Variants in MYO5B observed in about 807,000 individuals in gnomAD.
MYO5B encodes myosin VB.
In MYO5B, 143 loss-of-function variants were observed where a neutral mutation model predicts 229.3. The ratio of observed to expected loss-of-function variants is 0.62; its 90% confidence interval spans 0.54 to 0.72. The LOEUF (loss-of-function observed/expected upper bound fraction) is 0.72, where lower values mean the gene tolerates loss of function less well. Ranked by LOEUF, MYO5B falls within the 30% of genes least tolerant of loss-of-function variation. MYO5B has a pLI of 0.00. For missense variants in MYO5B, 2,321 were observed against 2,331.0 expected, an observed-to-expected ratio of 1.00 and a Z score of 0.09; for synonymous variants, 918 against 885.2, an observed-to-expected ratio of 1.04 and a Z score of -0.66.
chr18:50,119,033 G>A (rs920232229), intron 1 of MYO5B, among the ~76,000 whole-genome samples: 1 of 152,174 alleles, frequency 6.6e-6, no homozygotes, highest in Non-Finnish European at 1.5e-5. Flanking sequence ...ATGATCAAGA[G>A]CTCTTCAAAT....
intron 21 of MYO5B, among the ~76,000 whole-genome samples, chr18:49,897,023 T>C (rs1051335442): frequency 5.3e-5 from 8 of 152,222 alleles, no homozygotes; most frequent in Non-Finnish European, 1.2e-4. Context: ...ATCTTCCTTG[T>C]TCAAGTTCTC....
At chr18:50,043,066 G>A (rs1342273144) in intron 2 of MYO5B, among the ~76,000 whole-genome samples, 1 of 151,254 alleles carries the variant, frequency 6.6e-6, no homozygotes, top group Admixed American at 6.6e-5. Context: ...ATTTGATCTA[G>A]CAAACCCACT....
chr18:50,025,839 T>C (rs182072987), intron 4 of MYO5B, among the ~76,000 whole-genome samples: 1 of 152,192 alleles, frequency 6.6e-6, no homozygotes, highest in African/African-American at 2.4e-5. Flanking sequence ...TCACTGCATA[T>C]GTGGCTTTAG....
Position 49,920,340 on chromosome 18 carries a change from G to A in MYO5B, c.2091-8167C>T, listed in dbSNP as rs111779485. Reference sequence around the variant, plus strand: ...TTTTGAAAAGATGATGAAAACATAAGAGGTTTGTGGGTGGCCTTTATAAAG... The same window carrying A: ...TTTTGAAAAGATGATGAAAACATAAAAGGTTTGTGGGTGGCCTTTATAAAG... On this transcript the variant is annotated intron_variant, in intron 17 of 39. Transcript: ENST00000285039. Among the ~76,000 whole-genome samples the A allele has an allele frequency of 3.7e-3, 568 of 152,296 alleles. 4 individuals carry two copies. Among genetic ancestry groups the A allele is most frequent in the African/African-American group, 0.012 (485 of 41,552 alleles).
At chr18:49,952,862 A>G (rs1662487965) in intron 14 of MYO5B, among the ~76,000 whole-genome samples, 1 of 151,826 alleles carries the variant, frequency 6.6e-6, no homozygotes, top group East Asian at 1.9e-4. Flanking sequence ...GGGTTTAAAT[A>G]ATCTTACATC....
intron 17 of MYO5B, among the ~76,000 whole-genome samples, chr18:49,914,567 G>C (rs978621679): frequency 3.3e-5 from 5 of 152,138 alleles, no homozygotes; most frequent in Admixed American, 1.3e-4. Flanking sequence ...ATCACTTGAG[G>C]TCAGGAGTTC....
intron 31 of MYO5B, among the ~76,000 whole-genome samples, chr18:49,852,725 C>T (rs1025118423): frequency 2.6e-5 from 4 of 152,160 alleles, no homozygotes; most frequent in African/African-American, 9.7e-5. Context: ...TCTTCTCCCT[C>T]CCCCTCTGCC....
chr18:49,964,411 G>C (rs1453476650), intron 10 of MYO5B, among the ~76,000 whole-genome samples: 1 of 151,932 alleles, frequency 6.6e-6, no homozygotes, highest in Non-Finnish European at 1.5e-5. Flanking sequence ...TTTTGATAGA[G>C]AATTTTTATA....
intron 1 of MYO5B, among the ~76,000 whole-genome samples, chr18:50,151,770 T>A (rs2032602671): frequency 6.6e-6 from 1 of 152,178 alleles, no homozygotes; most frequent in Non-Finnish European, 1.5e-5. Context: ...CTGGAGTCTG[T>A]ACTCGGATGT....
intron 1 of MYO5B, among the ~76,000 whole-genome samples, chr18:50,069,235 C>T (rs545222925): frequency 2.6e-5 from 4 of 152,038 alleles, no homozygotes; most frequent in Non-Finnish European, 5.9e-5. Flanking sequence ...TTGGCCATTC[C>T]CTCTCCTGCT....
rs1188634322 is a variant in MYO5B, at chr18:49,823,608, T to G, written c.*2863A>C. 1 of 152,196 alleles carries G rather than the reference T, an allele frequency of 6.6e-6. No homozygotes were observed. The highest frequency in any genetic ancestry group is 1.5e-5 in the Non-Finnish European group (1 of 68,040). The allele number at this position is 152,196 out of a possible 1,614,324, so 9.4% of individuals were successfully genotyped here. A position where few individuals can be genotyped will look rare whatever the true frequency, so the allele number is the denominator to read the frequency against. On this transcript the variant is annotated 3_prime_UTR_variant, in exon 40 of 40. Coordinates refer to ENST00000285039, the MANE Select transcript of MYO5B (RefSeq NM_001080467.3). The stretch of plus-strand genomic sequence containing the variant: ...TTTTGTTTTTACAAAAGCCTTAAAA[T>G]TTAGTACTAGGGAAATCAAAGGAAG...
At chr18:50,031,106 A>G (rs1482756095) in intron 4 of MYO5B, among the ~76,000 whole-genome samples, 1 of 152,086 alleles carries the variant, frequency 6.6e-6, no homozygotes, top group African/African-American at 2.4e-5. Context: ...TGAGCAGACA[A>G]AATTTAGAGA....
chr18:50,082,456 T>C (rs960634305), intron 1 of MYO5B, among the ~76,000 whole-genome samples: 1 of 152,258 alleles, frequency 6.6e-6, no homozygotes, highest in Admixed American at 6.5e-5. Context: ...TATTAGGAGC[T>C]ATCAACATGC....
intron 33 of MYO5B, among the ~76,000 whole-genome samples, chr18:49,844,623 G>A (rs780136390): frequency 6.6e-5 from 10 of 152,350 alleles, no homozygotes; most frequent in Middle Eastern, 3.4e-3. Flanking sequence ...TAATACTCTT[G>A]AGTACATGGT....
At chr18:49,864,100 T>C (rs1328996706) in intron 28 of MYO5B, 41 bp downstream of exon 28, 2 of 1,600,502 alleles carry the variant, frequency 1.2e-6, no homozygotes, top group South Asian at 1.1e-5. Context: ...CCACCTAGGG[T>C]CACCCCTCGG....
At position 50,037,015 on chromosome 18, in the gene MYO5B, C is replaced by T. The variant is rs1465177215; in HGVS notation, c.311-21G>A. ...GATACCTGCAAACAGACAAGGTGGT[C>T]AGATTCCGACAGCACAGAAGACACC... On this transcript the variant is annotated intron_variant, in intron 3 of 39. Coordinates refer to ENST00000285039, the MANE Select transcript of MYO5B (RefSeq NM_001080467.3). The T allele has an allele frequency of 3.7e-6, 6 of 1,613,876 alleles. No individual in the cohort carries two copies. In the South Asian group the frequency reaches 6.6e-5, roughly 18 times the overall value.
intron 22 of MYO5B, among the ~76,000 whole-genome samples, chr18:49,892,165 T>C (rs1345706219): frequency 6.6e-6 from 1 of 152,220 alleles, no homozygotes; most frequent in East Asian, 1.9e-4. Flanking sequence ...TAGGGATCGC[T>C]GAAGCTTTCA....
chr18:50,039,136 G>A (rs577002334), intron 3 of MYO5B, among the ~76,000 whole-genome samples: 3 of 151,828 alleles, frequency 2.0e-5, no homozygotes, highest in East Asian at 1.9e-4. Flanking sequence ...GTTCCCTCCC[G>A]GGACAAGACC....
chr18:49,983,949 C>G (rs1188474176), intron 8 of MYO5B, among the ~76,000 whole-genome samples: 1 of 152,224 alleles, frequency 6.6e-6, no homozygotes, highest in Non-Finnish European at 1.5e-5. Flanking sequence ...TCACATGGCT[C>G]AGAAGCCAAA....
Sources: allele counts gnomAD v4.1 joint callset (sites outside exome capture counted in the v4.1 genomes callset), GRCh38; gene constraint gnomAD v4.1.1; transcripts MANE v1.5; gene names NCBI Gene and HGNC (gene_info 2026-07-23, HGNC 2026-07-21).